The following USP6NL variants were observed in gnomAD, a reference collection of about 807,000 sequenced individuals.
USP6NL encodes the protein USP6 N-terminal like.
USP6NL carries 26 observed loss-of-function variants against 61.9 expected under a neutral mutation model. That is an observed-to-expected ratio of 0.42 (90% CI 0.31 to 0.58). The LOEUF is 0.58. Among genes scored for constraint, USP6NL ranks in the 20% least tolerant of loss-of-function variants. USP6NL has a pLI of 0.16. For missense variants in USP6NL, 1,114 were observed against 1,034.3 expected (o/e 1.08, Z -1.06); for synonymous variants, 432 against 390.1 (o/e 1.11, Z -1.27).
At chr10:11,549,548 A>G (rs1457104816) in intron 2 of USP6NL, among the ~76,000 whole-genome samples, 1 of 152,056 alleles carries the variant, frequency 6.6e-6, no homozygotes, top group African/African-American at 2.4e-5. Flanking sequence ...TTAAATGTGA[A>G]CTCAAAGAGC....
In USP6NL at chr10:11,461,850, C is replaced by T. The variant is rs1354949203; in HGVS notation, c.*591G>A. 2.6e-5 allele frequency: 4 copies of T among 152,186 alleles called. No individual in the cohort carries two copies. Among genetic ancestry groups the T allele is most frequent in the African/African-American group, 9.7e-5 (4 of 41,422 alleles). 9.4% of individuals were successfully genotyped at this position (152,186 alleles called of 1,614,324 possible). ...CTGCAATTAATAAAGTCAGGACAAA[C>T]TCTTCAGTCAGTTTAGGACCCAGGT... On this transcript the variant is annotated 3_prime_UTR_variant, in exon 15 of 15. Transcript: ENST00000609104.
intron 4 of USP6NL, among the ~76,000 whole-genome samples, chr10:11,523,456 A>T (rs1835288421): frequency 6.6e-6 from 1 of 152,228 alleles, no homozygotes; most frequent in South Asian, 2.1e-4. Context: ...TTGTGAATGT[A>T]GTTTTTTCTT....
chr10:11,515,747 G>A (rs1456688054), intron 5 of USP6NL, among the ~76,000 whole-genome samples: 1 of 152,138 alleles, frequency 6.6e-6, no homozygotes, highest in Non-Finnish European at 1.5e-5. Flanking sequence ...TTTCAGTTAG[G>A]ACTCATGAGT....
At chr10:11,608,893 T>C (rs976814682) in intron 1 of USP6NL, among the ~76,000 whole-genome samples, 1 of 152,208 alleles carries the variant, frequency 6.6e-6, no homozygotes, top group African/African-American at 2.4e-5. Flanking sequence ...CCAATTCCCA[T>C]GCTTAAATCT....
intron 2 of USP6NL, among the ~76,000 whole-genome samples, chr10:11,554,612 G>A (rs796700846): frequency 3.9e-5 from 6 of 152,192 alleles, no homozygotes; most frequent in African/African-American, 9.6e-5. Flanking sequence ...GCTCAAACAT[G>A]ATTGGACTAA....
At chr10:11,526,134 G>A (rs1400262510) in intron 3 of USP6NL, among the ~76,000 whole-genome samples, 4 of 140,868 alleles carry the variant, frequency 2.8e-5, no homozygotes, top group Non-Finnish European at 4.8e-5. Context: ...TGGGTAACTC[G>A]TCATTGATGG....
chr10:11,552,261 A>G (rs1836518149), intron 2 of USP6NL, among the ~76,000 whole-genome samples: 1 of 152,384 alleles, frequency 6.6e-6, no homozygotes, highest in Non-Finnish European at 1.5e-5. Context: ...CCAGAAAAAG[A>G]AAAGCAGAAT....
At position 11,478,469 on chromosome 10, in the gene USP6NL, A is replaced by C. The variant is rs1474696223; in HGVS notation, c.1078+3301T>G. Reference sequence around the variant, plus strand: ...AGAAAAACTCAATTTTTAAAATATCAATTTTCTCTCAAAAATCCTTAATGT... The same window carrying C: ...AGAAAAACTCAATTTTTAAAATATCCATTTTCTCTCAAAAATCCTTAATGT... On this transcript the variant is annotated intron_variant, in intron 14 of 14. Coordinates refer to ENST00000609104, the MANE Select transcript of USP6NL (RefSeq NM_014688.5). This position sits in a 1 kb window ranked among gnomAD's most constrained non-coding sequence, Gnocchi z 6.8. Among the ~76,000 whole-genome samples the C allele has an allele frequency of 6.6e-6, 1 of 152,182 alleles. No individual in the cohort carries two copies. Among genetic ancestry groups the C allele is most frequent in the Non-Finnish European group, 1.5e-5 (1 of 68,034 alleles).
Position 11,583,202 on chromosome 10 carries a change from T to C in USP6NL, c.4+14429A>G, listed in dbSNP as rs78875807. Among the ~76,000 whole-genome samples, 26 of 150,908 alleles carry C rather than the reference T, an allele frequency of 1.7e-4. No individual in the cohort carries two copies. In the East Asian group the frequency reaches 2.3e-3, roughly 13 times the overall value. On this transcript the variant is annotated intron_variant, in intron 2 of 14. Transcript: ENST00000609104. ...GTTTTCAATTTTTTTTTTTTTTTTTTCCCTGAGACGGAGTCTCGCTCTGTC... is the reference window on the plus strand; with the variant it reads ...GTTTTCAATTTTTTTTTTTTTTTTTCCCCTGAGACGGAGTCTCGCTCTGTC...
Position 11,591,059 on chromosome 10 carries a change from G to A in USP6NL, c.4+6572C>T, listed in dbSNP as rs989950899. Among the ~76,000 whole-genome samples the A allele has an allele frequency of 6.6e-6, 1 of 152,140 alleles. No homozygotes were observed. The highest frequency in any genetic ancestry group is 1.5e-5 in the Non-Finnish European group (1 of 68,024). ...TGATCTATCTAGTGCCTACATTTAC[G>A]AATGAGTAAAGGATGTGTGGGGAGG... On this transcript the variant is annotated intron_variant, in intron 2 of 14. Transcript: ENST00000609104. This position sits in a 1 kb window ranked among gnomAD's most constrained non-coding sequence, Gnocchi z 4.7.
intron 1 of USP6NL, among the ~76,000 whole-genome samples, chr10:11,601,015 CAT>C (rs1838509433): frequency 6.6e-6 from 1 of 151,862 alleles, no homozygotes; most frequent in Non-Finnish European, 1.5e-5. Context: ...AAAAGAGAGA[CAT>C]GTGGCTATAG....
chr10:11,573,113 TCTA>T (rs1837420493), intron 2 of USP6NL, among the ~76,000 whole-genome samples: 2 of 152,168 alleles, frequency 1.3e-5, no homozygotes, highest in Non-Finnish European at 2.9e-5. Flanking sequence ...GGCAATAAAA[TCTA>T]CTATTCATTG....
rs1046909513 is a variant in USP6NL, at chr10:11,537,313, T to C, written c.5-9746A>G. Among the ~76,000 whole-genome samples, 4 of 152,158 alleles carry C rather than the reference T, an allele frequency of 2.6e-5. No homozygotes were observed. The highest frequency in any genetic ancestry group is 4.4e-5 in the Non-Finnish European group (3 of 68,034). On this transcript the variant is annotated intron_variant, in intron 2 of 14. Coordinates refer to ENST00000609104, the MANE Select transcript of USP6NL (RefSeq NM_014688.5). This position sits in a 1 kb window ranked among gnomAD's most constrained non-coding sequence, Gnocchi z 5.1. Reference sequence around the variant, plus strand: ...TTTTTGTCGAGACGGGATTTTGCCATGTTGCCCTGGCTGGTCTCGAACTCC... The same window carrying C: ...TTTTTGTCGAGACGGGATTTTGCCACGTTGCCCTGGCTGGTCTCGAACTCC...
intron 2 of USP6NL, chr10:11,573,339 A>G (rs1042456126): frequency 2.8e-5 from 8 of 284,042 alleles, no homozygotes; most frequent in African/African-American, 1.3e-4. Context: ...TAAAACATGA[A>G]AAGTACTATT....
intron 2 of USP6NL, among the ~76,000 whole-genome samples, chr10:11,580,119 T>C (rs1305006960): frequency 6.8e-6 from 1 of 146,256 alleles, no homozygotes; most frequent in Admixed American, 6.8e-5. Context: ...AAGTCAATAG[T>C]GATGAGTTGA....
chr10:11,512,415 AG>A (rs1320075100), intron 5 of USP6NL, among the ~76,000 whole-genome samples: 1 of 152,130 alleles, frequency 6.6e-6, no homozygotes, highest in Non-Finnish European at 1.5e-5. Flanking sequence ...CAGAGTTCCT[AG>A]ATGAAAACAG....
chr10:11,507,683 T>C (rs1005442844), intron 6 of USP6NL, among the ~76,000 whole-genome samples: 1 of 152,194 alleles, frequency 6.6e-6, no homozygotes, highest in Admixed American at 6.5e-5. Flanking sequence ...AAATCTTGCT[T>C]AATTTTTTTT....
At chr10:11,608,124 C>A (rs1249786592) in intron 1 of USP6NL, among the ~76,000 whole-genome samples, 2 of 152,138 alleles carry the variant, frequency 1.3e-5, no homozygotes, top group African/African-American at 4.8e-5. Context: ...AAAATGGAAC[C>A]AAAATGAAAC....
At chr10:11,601,426 G>C (rs1838527219) in intron 1 of USP6NL, among the ~76,000 whole-genome samples, 1 of 152,218 alleles carries the variant, frequency 6.6e-6, no homozygotes. Context: ...GAGGTAGACA[G>C]AGGTGATCCA....
Sources: allele counts gnomAD v4.1 joint callset (sites outside exome capture counted in the v4.1 genomes callset), GRCh38; gene constraint gnomAD v4.1.1; non-coding constraint Gnocchi (gnomAD v3.1); transcripts MANE v1.5; gene names NCBI Gene and HGNC (gene_info 2026-07-23, HGNC 2026-07-21).